USP53: variants seen among roughly 807,000 people sequenced by gnomAD.
The protein encoded by USP53 is ubiquitin specific peptidase 53, also known as ubiquitin carboxyl-terminal hydrolase 53.
Under a neutral mutation model 94.9 loss-of-function variants are expected in USP53, and 71 were observed. The observed-to-expected ratio is 0.75, with a 90% CI of 0.62 to 0.91. The LOEUF is 0.91. USP53 is among the 40% of genes least tolerant of loss of function. The pLI is 0.00. For synonymous variants in USP53, 375 were observed against 422.7 expected (o/e 0.89, Z 1.39); for missense variants, 1,173 against 1,281.0 (o/e 0.92, Z 1.29).
At chr4:119,256,626 C>G in intron 9 of USP53, 103 bp downstream of exon 9, 1 of 1,147,592 alleles carries the variant, frequency 8.7e-7, no homozygotes, top group Non-Finnish European at 1.3e-6. Flanking sequence ...TTTCCCCTCT[C>G]TGTCTGAGGC....
chr4:119,231,467 T>C (rs138569972), intron 3 of USP53, among the ~76,000 whole-genome samples: 1 of 152,296 alleles, frequency 6.6e-6, no homozygotes, highest in African/African-American at 2.4e-5. Flanking sequence ...TGAAAGAAGG[T>C]ACCTCTTCCC....
chr4:119,239,594 C>G lies in USP53; in HGVS notation c.-166C>G, dbSNP rs1747246348. ...GCACCCTATTGTTACTTGTCAGAGT[C>G]TTTAAGAGTTTATAACATCAGGAAA... On this transcript the variant is annotated 5_prime_UTR_variant, in exon 5 of 19. Coordinates refer to ENST00000692078, the MANE Select transcript of USP53 (RefSeq NM_001371395.1). The G allele has an allele frequency of 2.6e-6, 2 of 764,476 alleles. No homozygotes were observed. The highest frequency in any genetic ancestry group is 3.5e-4 in the Middle Eastern group (1 of 2,832). 47.4% of individuals were successfully genotyped at this position (764,476 alleles called of 1,614,324 possible). A position where few individuals can be genotyped will look rare whatever the true frequency, so the allele number is the denominator to read the frequency against.
At chr4:119,213,755 G>T (rs909480283) in intron 1 of USP53, among the ~76,000 whole-genome samples, 1 of 151,080 alleles carries the variant, frequency 6.6e-6, no homozygotes, top group African/African-American at 2.4e-5. Flanking sequence ...AACTTAACCT[G>T]TAGTCCCAGC....
At chr4:119,276,006 A>G (rs1259045746) in intron 17 of USP53, among the ~76,000 whole-genome samples, 16 of 143,850 alleles carry the variant, frequency 1.1e-4, no homozygotes, top group African/African-American at 2.5e-4. Flanking sequence ...GGGCTGAGAC[A>G]ATGGGGTTTT....
At chr4:119,252,128 G>A (rs1031371358) in intron 7 of USP53, among the ~76,000 whole-genome samples, 2 of 152,088 alleles carry the variant, frequency 1.3e-5, no homozygotes, top group African/African-American at 4.8e-5. Flanking sequence ...TGCTGGATTC[G>A]GTTTGCCAGA....
chr4:119,216,861 T>C (rs1330944303), intron 2 of USP53, among the ~76,000 whole-genome samples: 1 of 152,228 alleles, frequency 6.6e-6, no homozygotes, highest in Non-Finnish European at 1.5e-5. Flanking sequence ...ATAAAATATA[T>C]AATACAGCGT....
At chr4:119,243,935 C>T (rs575064082) in intron 5 of USP53, among the ~76,000 whole-genome samples, 1 of 152,190 alleles carries the variant, frequency 6.6e-6, no homozygotes, top group Non-Finnish European at 1.5e-5. Context: ...TAATTTAATC[C>T]TTACAACAGC....
Position 119,239,791 on chromosome 4 carries a change from G to C in USP53, c.32G>C (p.Gly11Ala). 6.2e-7 allele frequency: 1 copy of C among 1,611,576 alleles called. No homozygotes were observed. Residue 11 changes from glycine to alanine, a missense_variant, in exon 5 of 19, where the codon GGT (glycine) becomes GCT (alanine). Transcript: ENST00000692078. Reference protein sequence around the residue: MAWVKFLRKPGGNLGKVYQPG... With the variant: MAWVKFLRKPAGNLGKVYQPG... ...TGGGTAAAATTCTTACGGAAACCTG[G>C]TGGCAATCTTGGAAAAGTTTATCAG... is the stretch of plus-strand genomic sequence containing the variant.
At position 119,260,633 on chromosome 4, in the gene USP53, A is replaced by G. The variant is rs367611213; in HGVS notation, c.802A>G (p.Thr268Ala). The change falls in exon 11 of 19, where the codon ACA (threonine) becomes GCA (alanine). Residue 268 changes from threonine (T) to alanine (A), a missense_variant. Physicochemically the swap from Thr to Ala is moderately conservative, Grantham distance 58. Coordinates refer to ENST00000692078, the MANE Select transcript of USP53 (RefSeq NM_001371395.1). ...LTEAVVRNLA[T>A]HLYLPGLFYR... ...CGAAGCTGTTGTTCGGAATCTAGCAACACATCTTTATCTTCCTGGGGTATC... is the reference window on the plus strand; with the variant it reads ...CGAAGCTGTTGTTCGGAATCTAGCAGCACATCTTTATCTTCCTGGGGTATC... 9 of 1,613,586 alleles carry G rather than the reference A, an allele frequency of 5.6e-6. No homozygotes were observed. The African/African-American group carries it at 1.2e-4, about 22-fold the overall frequency.
chr4:119,251,476 C>A (rs1418429453), intron 7 of USP53, among the ~76,000 whole-genome samples: 1 of 152,158 alleles, frequency 6.6e-6, no homozygotes, highest in Non-Finnish European at 1.5e-5. Flanking sequence ...TGAGGAATCT[C>A]CACACTGTCT....
intron 3 of USP53, chr4:119,219,718 T>G (rs963125985): frequency 6.6e-6 from 1 of 152,252 alleles, no homozygotes. Flanking sequence ...GTTAAATAAT[T>G]TATATAGCAT....
rs1304788711 is a variant in USP53 at position 119,248,855 on chromosome 4, C to T, written c.345C>T (p.Gly115=). 6.2e-7 allele frequency: 1 copy of T among 1,614,068 alleles called. No individual in the cohort carries two copies. The highest frequency in any genetic ancestry group is 8.5e-7 in the Non-Finnish European group (1 of 1,180,010). The change falls in exon 7 of 19, where the codon GGC becomes GGT. Residue 115 remains glycine (G), a synonymous_variant. Transcript: ENST00000692078. ...AAGATGAGCAGCGATTTCAACTTGG[C>T]CTTATGGATGATGCTGCGGAGTGCT... ...SFKDEQRFQL[G]LMDDAAECFE... is the part of the protein sequence containing the mutation.
At position 119,216,558 on chromosome 4, in the gene USP53, G is replaced by A. The variant is rs190240508; in HGVS notation, c.-788-992G>A. 4.6e-5 allele frequency among the ~76,000 whole-genome samples: 7 copies of A among 152,106 alleles called. No individual in the cohort carries two copies. The East Asian group carries it at 1.3e-3, about 29-fold the overall frequency. On this transcript the variant is annotated intron_variant, in intron 2 of 18. Coordinates refer to ENST00000692078, the MANE Select transcript of USP53 (RefSeq NM_001371395.1). ...CTTCTCTCCTTTCTAGTCCAGAAAG[G>A]TTTTGTAAATGAATATTTACAACAA...
At chr4:119,260,268 T>C (rs1487752365) in intron 10 of USP53, among the ~76,000 whole-genome samples, 3 of 150,080 alleles carry the variant, frequency 2.0e-5, no homozygotes, top group Admixed American at 6.6e-5. Context: ...TTATTTCTGC[T>C]TTTTTTTAGG....
chr4:119,241,607 G>A (rs767296112), intron 5 of USP53, among the ~76,000 whole-genome samples: 4 of 152,040 alleles, frequency 2.6e-5, no homozygotes, highest in African/African-American at 9.7e-5. Flanking sequence ...TTCTCTGTAT[G>A]TAATTTGTTC....
chr4:119,273,610 T>C (rs755429613), intron 16 of USP53, 22 bp from the exon 17 acceptor site: 3 of 1,599,374 alleles, frequency 1.9e-6, no homozygotes, highest in African/African-American at 2.7e-5. Flanking sequence ...CTGATGTGTT[T>C]AGTGTGTATT....
At chr4:119,284,515 T>C (rs760502937) in intron 17 of USP53, among the ~76,000 whole-genome samples, 4 of 151,892 alleles carry the variant, frequency 2.6e-5, no homozygotes, top group African/African-American at 4.8e-5. Context: ...TAGCCCCCTT[T>C]TTAAAATGGA....
chr4:119,291,061 A>G (rs546645491), intron 17 of USP53, 104 bp from the exon 18 acceptor site: 13 of 555,748 alleles, frequency 2.3e-5, no homozygotes, highest in Admixed American at 4.0e-5. Context: ...CTTTTATAGA[A>G]AGCTTTATGT....
At chr4:119,254,968 AACAG>A (rs1202958061) in intron 7 of USP53, among the ~76,000 whole-genome samples, 1 of 152,086 alleles carries the variant, frequency 6.6e-6, no homozygotes, top group African/African-American at 2.4e-5. Flanking sequence ...TTTTCCTTCT[AACAG>A]ACAGGCCCCT....
Sources: gnomAD v4.1 joint callset for allele counts (sites outside exome capture counted in the v4.1 genomes callset) on GRCh38, gnomAD v4.1.1 for gene constraint, MANE v1.5 for transcripts, NCBI Gene and HGNC (gene_info 2026-07-23, HGNC 2026-07-21) for gene names.